Variants in MYO16 observed in about 807,000 individuals in gnomAD.
MYO16 encodes the protein unconventional myosin-XVI.
MYO16 carries 94 observed loss-of-function variants against 205.3 expected under a neutral mutation model. The ratio of observed to expected loss-of-function variants is 0.46; its 90% confidence interval spans 0.39 to 0.54. The LOEUF (loss-of-function observed/expected upper bound fraction) is 0.54, where lower values mean the gene tolerates loss of function less well. Among genes scored for constraint, MYO16 ranks in the 20% least tolerant of loss-of-function variants. The pLI, the probability that MYO16 is intolerant of heterozygous loss-of-function variation, is 0.00. For synonymous variants in MYO16, 988 were observed against 954.0 expected (o/e 1.04, Z -0.66); for missense variants, 2,315 against 2,387.5 (o/e 0.97, Z 0.63).
At chr13:108,957,889 A>T in intron 17 of MYO16, 90 bp downstream of exon 17, 1 of 1,015,704 alleles carries the variant, frequency 9.8e-7, no homozygotes, top group South Asian at 1.4e-5. Context: ...CTGAGCCCCT[A>T]TGACATTCCA....
At chr13:109,152,200 A>C (rs9514995) in intron 32 of MYO16, among the ~76,000 whole-genome samples, 26,552 of 152,202 alleles carry the variant, frequency 0.17, 2,411 homozygotes, top group East Asian at 0.27. Context: ...CTTAGTAACA[A>C]AGTCCCCTTA....
chr13:108,711,220 C>A (rs887683977), intron 2 of MYO16, among the ~76,000 whole-genome samples: 6 of 152,212 alleles, frequency 3.9e-5, no homozygotes, highest in Non-Finnish European at 7.3e-5. Context: ...AAGAAGATAA[C>A]CCAGTTGGCA....
chr13:108,910,693 A>G (rs1399573740), intron 16 of MYO16, among the ~76,000 whole-genome samples: 4 of 152,188 alleles, frequency 2.6e-5, no homozygotes, highest in African/African-American at 7.2e-5. Flanking sequence ...CAATGTTTGC[A>G]CTTCTGCTAA....
chr13:109,138,143 T>C (rs1876866601), intron 31 of MYO16, among the ~76,000 whole-genome samples: 1 of 152,222 alleles, frequency 6.6e-6, no homozygotes, highest in South Asian at 2.1e-4. Context: ...ATTCCAAAGC[T>C]TTAATTTTAA....
At chr13:108,761,566 G>T (rs1300446775) in intron 4 of MYO16, among the ~76,000 whole-genome samples, 1 of 152,136 alleles carries the variant, frequency 6.6e-6, no homozygotes, top group African/African-American at 2.4e-5. Context: ...TGGGAAAAAT[G>T]ATATGGAAGG....
the MYO16 span, among the ~76,000 whole-genome samples, chr13:108,505,789 A>G: frequency 4.6e-5 from 7 of 152,130 alleles, no homozygotes; most frequent in African/African-American, 1.7e-4. Context: ...CTAGATGTAT[A>G]TGGTTTCAGA....
chr13:109,198,327 C>A (rs9515008), intron 34 of MYO16, among the ~76,000 whole-genome samples: 9 of 151,852 alleles, frequency 5.9e-5, no homozygotes, highest in Non-Finnish European at 1.2e-4. Context: ...AAAATACAAA[C>A]CCTAACTTCA....
At chr13:108,688,067 T>G (rs1882749854) in intron 2 of MYO16, among the ~76,000 whole-genome samples, 1 of 152,208 alleles carries the variant, frequency 6.6e-6, no homozygotes, top group African/African-American at 2.4e-5. Context: ...CTCTTAGAGC[T>G]TATTCTTCTT....
At chr13:108,719,821 A>G (rs1594238619) in intron 3 of MYO16, among the ~76,000 whole-genome samples, 2 of 152,268 alleles carry the variant, frequency 1.3e-5, no homozygotes, top group Admixed American at 1.3e-4. Flanking sequence ...AAACAGCACT[A>G]TTTCTTAAGA....
chr13:109,144,566 C>A (rs1375382969), intron 32 of MYO16, among the ~76,000 whole-genome samples: 1 of 152,136 alleles, frequency 6.6e-6, no homozygotes, highest in Non-Finnish European at 1.5e-5. Context: ...TATGGAATTT[C>A]TTTCAAGTTT....
intron 6 of MYO16, among the ~76,000 whole-genome samples, chr13:108,803,723 A>G (rs766983469): frequency 6.6e-5 from 10 of 152,162 alleles, no homozygotes; most frequent in Non-Finnish European, 1.3e-4. Flanking sequence ...GCTGAAAAAC[A>G]CTAAGACTTG....
intron 16 of MYO16, among the ~76,000 whole-genome samples, chr13:108,912,197 C>T (rs1302997445): frequency 6.6e-6 from 1 of 151,990 alleles, no homozygotes. Context: ...TGCAGGTGGG[C>T]TCAGAGGAAG....
chr13:109,204,297 G>A (rs1393251634), intron 34 of MYO16, among the ~76,000 whole-genome samples: 2 of 152,238 alleles, frequency 1.3e-5, no homozygotes, highest in African/African-American at 2.4e-5. Flanking sequence ...ACATGGTAGC[G>A]ATATTCTTCC....
intron 24 of MYO16, among the ~76,000 whole-genome samples, chr13:109,051,584 T>C (rs765085087): frequency 1.6e-4 from 25 of 152,000 alleles, no homozygotes; most frequent in Non-Finnish European, 2.9e-4. Flanking sequence ...TACATTGTTT[T>C]CCCTGTGATT....
chr13:108,609,706 GATTT>G (rs1276288200), intron 1 of MYO16, among the ~76,000 whole-genome samples: 1 of 152,022 alleles, frequency 6.6e-6, no homozygotes, highest in Non-Finnish European at 1.5e-5. Flanking sequence ...TTTATACAGA[GATTT>G]ATTTATTTAT....
intron 20 of MYO16, among the ~76,000 whole-genome samples, chr13:108,975,585 G>A (rs764379348): frequency 2.6e-5 from 4 of 151,952 alleles, no homozygotes; most frequent in Non-Finnish European, 5.9e-5. Flanking sequence ...TTTTGTTTTG[G>A]AAAATCTCAA....
chr13:109,156,315 C>T (rs147888601), intron 32 of MYO16, among the ~76,000 whole-genome samples: 1 of 152,312 alleles, frequency 6.6e-6, no homozygotes, highest in East Asian at 1.9e-4. Context: ...CCAGGCACCT[C>T]TCTCTGCATT....
chr13:108,986,210 T>A (rs1051481831), intron 20 of MYO16, among the ~76,000 whole-genome samples: 4 of 152,158 alleles, frequency 2.6e-5, no homozygotes, highest in Non-Finnish European at 5.9e-5. Flanking sequence ...TTATGGGAGC[T>A]ACAGTTCAAG....
intron 14 of MYO16, among the ~76,000 whole-genome samples, chr13:108,894,861 T>A (rs1327805967): frequency 6.6e-6 from 1 of 152,172 alleles, no homozygotes; most frequent in Non-Finnish European, 1.5e-5. Context: ...ACCCCTGCAT[T>A]TGAATTTCAA....
Sources: allele counts gnomAD v4.1 joint callset (sites outside exome capture counted in the v4.1 genomes callset), GRCh38; gene constraint gnomAD v4.1.1; transcripts MANE v1.5; gene names NCBI Gene and HGNC (gene_info 2026-07-23, HGNC 2026-07-21).